TDRD7: variants seen among roughly 807,000 people sequenced by gnomAD.
TDRD7 encodes the protein tudor domain-containing protein 7.
Under a neutral mutation model 109.8 loss-of-function variants are expected in TDRD7, and 47 were observed. The ratio of observed to expected loss-of-function variants is 0.43; its 90% confidence interval spans 0.34 to 0.55. The LOEUF (loss-of-function observed/expected upper bound fraction) is 0.55. Ranked by LOEUF, TDRD7 falls within the 20% of genes least tolerant of loss-of-function variation. The pLI is 0.03. For missense variants in TDRD7, 1,164 were observed against 1,319.2 expected, an observed-to-expected ratio of 0.88 and a Z score of 1.82; for synonymous variants, 424 against 457.3, an observed-to-expected ratio of 0.93 and a Z score of 0.93.
intron 6 of TDRD7, among the ~76,000 whole-genome samples, chr9:97,448,956 A>G (rs528962174): frequency 5.2e-4 from 79 of 152,336 alleles, no homozygotes; most frequent in African/African-American, 1.8e-3. Context: ...ATTAGCAGGT[A>G]AGCCTTCATA....
intron 16 of TDRD7, among the ~76,000 whole-genome samples, chr9:97,494,726 C>CAA (rs1564219987): frequency 7.2e-6 from 1 of 138,910 alleles, no homozygotes; most frequent in African/African-American, 2.6e-5. Flanking sequence ...TTTTTTTTTT[C>CAA]GAGAGGGTCT....
chr9:97,433,364 T>G lies in TDRD7; in HGVS notation c.563+1126T>G, dbSNP rs373257479. Reference sequence around the variant, plus strand: ...TTTATAAGGTCTAGAAAATACATAGTTAAAACACAGATCTTGACCCAAAGT... The same window carrying G: ...TTTATAAGGTCTAGAAAATACATAGGTAAAACACAGATCTTGACCCAAAGT... On this transcript the variant is annotated intron_variant, in intron 4 of 16. Transcript: ENST00000355295. 8.6e-5 allele frequency among the ~76,000 whole-genome samples: 13 copies of G among 151,786 alleles called. 1 individual carries two copies. The highest frequency in any genetic ancestry group is 3.8e-4 in the East Asian group (2 of 5,198).
intron 8 of TDRD7, among the ~76,000 whole-genome samples, chr9:97,466,369 C>T (rs1828822154): frequency 6.6e-6 from 1 of 152,208 alleles, no homozygotes; most frequent in African/African-American, 2.4e-5. Flanking sequence ...GCTGAATCTA[C>T]AGAGGCACAA....
chr9:97,441,070 T>G (rs572918102), intron 5 of TDRD7, among the ~76,000 whole-genome samples: 376 of 152,324 alleles, frequency 2.5e-3, no homozygotes, highest in African/African-American at 8.7e-3. Flanking sequence ...GTTTATAAAC[T>G]GAGGCTAGGA....
intron 15 of TDRD7, among the ~76,000 whole-genome samples, 188 bp downstream of exon 15, chr9:97,483,539 A>G (rs1018198821): frequency 6.6e-6 from 1 of 152,150 alleles, no homozygotes. Flanking sequence ...TCTATTGGCC[A>G]TATTCCTGTT....
intron 6 of TDRD7, among the ~76,000 whole-genome samples, chr9:97,454,007 G>A (rs1229991007): frequency 6.6e-6 from 1 of 152,148 alleles, no homozygotes; most frequent in Non-Finnish European, 1.5e-5. Context: ...AATTAACAAT[G>A]ATATTCAGGA....
At chr9:97,475,516 A>G in intron 12 of TDRD7, 47 bp downstream of exon 12, 1 of 1,309,980 alleles carries the variant, frequency 7.6e-7, no homozygotes, top group Non-Finnish European at 1.1e-6. Context: ...ATTGTGAAAT[A>G]TTTCAAATAT....
chr9:97,485,733 A>G (rs1587895010), intron 15 of TDRD7, among the ~76,000 whole-genome samples: 1 of 152,240 alleles, frequency 6.6e-6, no homozygotes, highest in Non-Finnish European at 1.5e-5. Flanking sequence ...GGCACTTTCC[A>G]TGTATTATTT....
chr9:97,488,810 C>G (rs921367306), intron 16 of TDRD7, among the ~76,000 whole-genome samples: 2 of 152,202 alleles, frequency 1.3e-5, no homozygotes, highest in East Asian at 3.9e-4. Context: ...AAGTTTCCCT[C>G]TAAGTACAGC....
chr9:97,459,735 CAAG>C (rs1038242987), intron 6 of TDRD7, among the ~76,000 whole-genome samples: 8 of 152,218 alleles, frequency 5.3e-5, no homozygotes, highest in Non-Finnish European at 8.8e-5. Context: ...CAGGCTATTG[CAAG>C]AAGAAGAGAG....
intron 6 of TDRD7, among the ~76,000 whole-genome samples, chr9:97,448,543 T>C (rs13287620): frequency 0.53 from 80,939 of 152,066 alleles, 21,734 homozygotes; most frequent in African/African-American, 0.6. Context: ...TCAGTGACTT[T>C]GATGTTTTAG....
At chr9:97,482,761 G>A in intron 14 of TDRD7, 88 bp from the exon 15 acceptor site, 1 of 1,410,004 alleles carries the variant, frequency 7.1e-7, no homozygotes, top group African/African-American at 1.4e-5. Flanking sequence ...GCAAAATACT[G>A]TGTTTTAATG....
At chr9:97,478,950 G>T (rs1829069218) in intron 13 of TDRD7, among the ~76,000 whole-genome samples, 1 of 151,522 alleles carries the variant, frequency 6.6e-6, no homozygotes, top group South Asian at 2.1e-4. Context: ...TTGGAAATCT[G>T]TTTAGACATA....
chr9:97,456,355 C>G (rs779836922), intron 6 of TDRD7, among the ~76,000 whole-genome samples: 3 of 152,148 alleles, frequency 2.0e-5, no homozygotes, highest in Non-Finnish European at 4.4e-5. Context: ...AAAGAAGACC[C>G]CTTATAGCCA....
chr9:97,467,470 G>A (rs1828840021), intron 8 of TDRD7, among the ~76,000 whole-genome samples: 2 of 152,146 alleles, frequency 1.3e-5, no homozygotes, highest in Non-Finnish European at 2.9e-5. Flanking sequence ...TTGCTTATCT[G>A]TAAATTCAAA....
In TDRD7 at chr9:97,483,099, C is replaced by T. The variant is rs774468338; in HGVS notation, c.2663C>T (p.Ser888Phe). Residue 888 changes from serine to phenylalanine, a missense_variant, in exon 15 of 17, where the codon TCC becomes TTC. Ser to Phe is a radical substitution (Grantham distance 155). Transcript: ENST00000355295. ...RKNLTDVIKK[S>F]MVDHTSAFST... Reference sequence around the variant, plus strand: ...AACCTCACAGATGTCATCAAAAAGTCCATGGTGGACCATACGAGCGCTTTC... The same window carrying T: ...AACCTCACAGATGTCATCAAAAAGTTCATGGTGGACCATACGAGCGCTTTC... The T allele has an allele frequency of 6.2e-7, 1 of 1,614,136 alleles. No individual in the cohort carries two copies. The highest frequency in any genetic ancestry group is 8.5e-7 in the Non-Finnish European group (1 of 1,180,030).
At chr9:97,490,558 G>GA (rs893225460) in intron 16 of TDRD7, among the ~76,000 whole-genome samples, 4 of 137,232 alleles carry the variant, frequency 2.9e-5, no homozygotes, top group African/African-American at 8.1e-5. Context: ...GTGGGGGGGG[G>GA]GGCATTTATC....
At chr9:97,468,919 G>A (rs1451018908) in intron 8 of TDRD7, among the ~76,000 whole-genome samples, 1 of 152,212 alleles carries the variant, frequency 6.6e-6, no homozygotes, top group Non-Finnish European at 1.5e-5. Context: ...AGTGTGGTGA[G>A]AGTCACACTG....
chr9:97,494,415 T>G (rs1829360381), intron 16 of TDRD7, among the ~76,000 whole-genome samples: 1 of 152,196 alleles, frequency 6.6e-6, no homozygotes, highest in Non-Finnish European at 1.5e-5. Flanking sequence ...AGCCATACTG[T>G]GGAATCATCT....
Sources: gnomAD v4.1 joint callset for allele counts (sites outside exome capture counted in the v4.1 genomes callset) on GRCh38, gnomAD v4.1.1 for gene constraint, MANE v1.5 for transcripts, NCBI Gene and HGNC (gene_info 2026-07-23, HGNC 2026-07-21) for gene names.